The following ARHGAP42 variants were observed in gnomAD, a reference collection of about 807,000 sequenced individuals.
ARHGAP42 encodes the protein Rho GTPase activating protein 42.
A neutral mutation model predicts 125.0 loss-of-function variants in ARHGAP42; 63 were observed. The observed-to-expected ratio is 0.50, with a 90% CI of 0.41 to 0.62. The LOEUF (loss-of-function observed/expected upper bound fraction) is 0.62. Ranked by LOEUF, ARHGAP42 falls within the 20% of genes least tolerant of loss-of-function variation. The pLI, the probability that ARHGAP42 is intolerant of heterozygous loss-of-function variation, is 0.00. For missense variants in ARHGAP42, 766 were observed against 1,024.2 expected, an observed-to-expected ratio of 0.75 and a Z score of 3.44; for synonymous variants, 339 against 351.0, an observed-to-expected ratio of 0.97 and a Z score of 0.38.
chr11:100,914,474 TAAAC>T lies in ARHGAP42; in HGVS notation c.486+927_486+930del, dbSNP rs1421605459. Among the ~76,000 whole-genome samples, 11 of 136,360 alleles carry T rather than the reference TAAAC, an allele frequency of 8.1e-5. 1 individual carries two copies. The highest frequency in any genetic ancestry group is 8.1e-5 in the Admixed American group (1 of 12,302). The allele number at this position is 136,360 out of a possible 152,430, so 89.5% of individuals were successfully genotyped here. Reference sequence around the variant, plus strand: ...AGTGTGTCCAAAAAAAATAAATAAATAAACAAACAGACTCCCTTGCCATTGTCAC... The same window carrying T: ...AGTGTGTCCAAAAAAAATAAATAAATAAACAGACTCCCTTGCCATTGTCAC... On this transcript the variant is annotated intron_variant, in intron 5 of 23. Coordinates refer to ENST00000298815, the MANE Select transcript of ARHGAP42 (RefSeq NM_152432.4).
chr11:100,838,351 T>C (rs2135107415), intron 3 of ARHGAP42, among the ~76,000 whole-genome samples: 1 of 152,298 alleles, frequency 6.6e-6, no homozygotes, highest in South Asian at 2.1e-4. Flanking sequence ...GTAAAGACAA[T>C]GTATATAGAC....
At chr11:100,936,382 A>G (rs1423732921) in intron 8 of ARHGAP42, 50 bp downstream of exon 8, 1 of 1,548,898 alleles carries the variant, frequency 6.5e-7, no homozygotes, top group Non-Finnish European at 8.7e-7. Context: ...AGCCACGATC[A>G]TGAGATGTGA....
At chr11:100,890,789 T>C (rs1163068016) in intron 4 of ARHGAP42, among the ~76,000 whole-genome samples, 1 of 152,236 alleles carries the variant, frequency 6.6e-6, no homozygotes, top group Non-Finnish European at 1.5e-5. Context: ...TATTCTCACA[T>C]AGTCCTTATG....
rs555708844 is a variant in ARHGAP42, at chr11:100,875,311, G to A, written c.384+15686G>A. 8.6e-5 allele frequency among the ~76,000 whole-genome samples: 13 copies of A among 151,880 alleles called. No individual in the cohort carries two copies. In the South Asian group the frequency reaches 1.9e-3, roughly 22 times the overall value. On this transcript the variant is annotated intron_variant, in intron 4 of 23. Coordinates refer to ENST00000298815, the MANE Select transcript of ARHGAP42 (RefSeq NM_152432.4). ...AGGAACGTACTGGAGTTAGTAACCC[G>A]GTGCCCAGCCTCCCACCATCCGCTT...
chr11:100,919,133 TC>T (rs5794080), intron 5 of ARHGAP42, among the ~76,000 whole-genome samples: 137,215 of 152,062 alleles, frequency 0.9, 62,101 homozygotes, highest in East Asian at 1. Flanking sequence ...CATGCTCAAT[TC>T]CCCCCTGCAA....
intron 1 of ARHGAP42, among the ~76,000 whole-genome samples, chr11:100,719,924 A>G (rs1861731760): frequency 2.0e-5 from 3 of 152,222 alleles, no homozygotes; most frequent in Admixed American, 2.0e-4. Context: ...TCCAGGCTGT[A>G]GTTTCACCCC....
At chr11:100,740,204 C>T (rs1862154902) in intron 1 of ARHGAP42, among the ~76,000 whole-genome samples, 2 of 151,812 alleles carry the variant, frequency 1.3e-5, no homozygotes, top group South Asian at 4.2e-4. Flanking sequence ...TGTTTCATGA[C>T]TTTTATTATG....
intron 4 of ARHGAP42, among the ~76,000 whole-genome samples, chr11:100,878,491 C>A (rs1865876254): frequency 6.6e-6 from 1 of 152,168 alleles, no homozygotes; most frequent in Non-Finnish European, 1.5e-5. Context: ...GATTCCTCAG[C>A]AATTGTTTTC....
Position 100,943,373 on chromosome 11 carries a change from G to A in ARHGAP42, c.934-386G>A, listed in dbSNP as rs904614904. On this transcript the variant is annotated intron_variant, in intron 9 of 23. Transcript: ENST00000298815. ...GCAATCCAGGGAGTTTTGATTAAGA[G>A]CACCAAATGTATCCTAACAAGCACT... Among the ~76,000 whole-genome samples the A allele has an allele frequency of 2.2e-4, 34 of 151,850 alleles. 1 individual carries two copies. Among genetic ancestry groups the A allele is most frequent in the Non-Finnish European group, 7.4e-5 (5 of 67,954 alleles).
At chr11:100,924,819 A>G (rs920397552) in intron 6 of ARHGAP42, among the ~76,000 whole-genome samples, 2 of 151,742 alleles carry the variant, frequency 1.3e-5, no homozygotes, top group African/African-American at 4.9e-5. Flanking sequence ...CCTGAAATCA[A>G]TTTTTTTGTT....
chr11:100,955,071 T>C (rs493079), intron 12 of ARHGAP42, among the ~76,000 whole-genome samples: 134,184 of 152,102 alleles, frequency 0.88, 59,277 homozygotes, highest in East Asian at 1. Context: ...ATTGAAGGTG[T>C]AAGGACTTTT....
At chr11:100,937,338 C>T (rs1474837782) in intron 8 of ARHGAP42, among the ~76,000 whole-genome samples, 1 of 152,134 alleles carries the variant, frequency 6.6e-6, no homozygotes, top group East Asian at 1.9e-4. Context: ...TTTTACCCTC[C>T]CCCCAGTTCA....
At chr11:100,837,666 CTTTTTTTTTTT>C (rs373059302) in intron 3 of ARHGAP42, among the ~76,000 whole-genome samples, 17 of 61,070 alleles carry the variant, frequency 2.8e-4, no homozygotes, top group South Asian at 7.2e-4. Context: ...AGGTGTCATC[CTTTTTTTTTTT>C]TTTTTTTTTT....
intron 12 of ARHGAP42, among the ~76,000 whole-genome samples, chr11:100,956,539 C>T (rs769797504): frequency 6.6e-6 from 1 of 152,104 alleles, no homozygotes; most frequent in Non-Finnish European, 1.5e-5. Flanking sequence ...CACTTCTGTT[C>T]ATATTTCATT....
At chr11:100,802,300 G>A (rs1042620834) in intron 3 of ARHGAP42, among the ~76,000 whole-genome samples, 1 of 152,084 alleles carries the variant, frequency 6.6e-6, no homozygotes, top group Non-Finnish European at 1.5e-5. Flanking sequence ...AGAGATCTAG[G>A]TAACCTCTTC....
At chr11:100,769,952 A>G (rs1291747675) in intron 1 of ARHGAP42, among the ~76,000 whole-genome samples, 1 of 151,702 alleles carries the variant, frequency 6.6e-6, no homozygotes, top group Non-Finnish European at 1.5e-5. Flanking sequence ...ATGTAACAAA[A>G]CTGCACATCC....
chr11:100,908,834 T>C (rs767849465), intron 4 of ARHGAP42, among the ~76,000 whole-genome samples: 1 of 152,240 alleles, frequency 6.6e-6, no homozygotes, highest in Non-Finnish European at 1.5e-5. Flanking sequence ...CTGTTTTCCA[T>C]AGAAATAATT....
intron 6 of ARHGAP42, among the ~76,000 whole-genome samples, chr11:100,921,910 T>G (rs552192213): frequency 6.6e-6 from 1 of 151,728 alleles, no homozygotes; most frequent in Non-Finnish European, 1.5e-5. Context: ...TAGCATTGTT[T>G]CATCGACTAT....
chr11:100,728,219 A>G (rs1861893998), intron 1 of ARHGAP42, among the ~76,000 whole-genome samples: 1 of 152,188 alleles, frequency 6.6e-6, no homozygotes, highest in Admixed American at 6.5e-5. Context: ...GCCTGCTAGG[A>G]TGGAATCTCC....
Sources: allele counts gnomAD v4.1 joint callset (sites outside exome capture counted in the v4.1 genomes callset), GRCh38; gene constraint gnomAD v4.1.1; transcripts MANE v1.5; gene names NCBI Gene and HGNC (gene_info 2026-07-23, HGNC 2026-07-21).